GRAMD2B: variants seen among roughly 807,000 people sequenced by gnomAD.
The protein encoded by GRAMD2B is GRAM domain containing 2B, also known as GRAM domain-containing protein 2B.
In GRAMD2B, 41 loss-of-function variants were observed where a neutral mutation model predicts 59.2. The ratio of observed to expected loss-of-function variants is 0.69; its 90% CI spans 0.54 to 0.90. The LOEUF is 0.90. GRAMD2B is among the 40% of genes least tolerant of loss of function. The pLI, the probability that GRAMD2B is intolerant of heterozygous loss-of-function variation, is 0.00. For missense variants in GRAMD2B, 424 were observed against 500.5 expected (o/e 0.85, Z 1.46); for synonymous variants, 161 against 182.7 (o/e 0.88, Z 0.96).
At chr5:126,483,046 TAA>T (rs1048623271) in intron 8 of GRAMD2B, among the ~76,000 whole-genome samples, 34 of 147,568 alleles carry the variant, frequency 2.3e-4, no homozygotes, top group African/African-American at 3.5e-4. Context: ...AAAAAAATTA[TAA>T]GTTAGTAATA....
chr5:126,480,579 A>T, intron 7 of GRAMD2B, 48 bp from the exon 8 acceptor site: 1 of 1,607,340 alleles, frequency 6.2e-7, no homozygotes, highest in Non-Finnish European at 8.5e-7. Context: ...TGTATTTCTT[A>T]TGGTTTCATA....
chr5:126,445,826 C>T (rs1441140465), intron 1 of GRAMD2B, among the ~76,000 whole-genome samples: 1 of 152,162 alleles, frequency 6.6e-6, no homozygotes, highest in Admixed American at 6.5e-5. Context: ...TCAAGAGAGC[C>T]GAATCTGACT....
chr5:126,407,806 T>C (rs1268383448), intron 1 of GRAMD2B, among the ~76,000 whole-genome samples: 2 of 152,070 alleles, frequency 1.3e-5, no homozygotes, highest in African/African-American at 4.8e-5. Context: ...AATGATGTGA[T>C]GATGGTGATA....
intron 1 of GRAMD2B, among the ~76,000 whole-genome samples, chr5:126,427,438 G>A (rs867816973): frequency 6.6e-6 from 1 of 152,028 alleles, no homozygotes; most frequent in Non-Finnish European, 1.5e-5. Context: ...TTCAAATAAC[G>A]AATTAAATTA....
chr5:126,429,245 G>T (rs917915407), intron 1 of GRAMD2B, among the ~76,000 whole-genome samples: 3 of 152,132 alleles, frequency 2.0e-5, no homozygotes, highest in African/African-American at 7.2e-5. Flanking sequence ...GACATGAATG[G>T]AGCTGGAGGC....
intron 1 of GRAMD2B, among the ~76,000 whole-genome samples, chr5:126,438,807 C>A (rs1395272495): frequency 6.6e-6 from 1 of 152,022 alleles, no homozygotes; most frequent in Non-Finnish European, 1.5e-5. Flanking sequence ...TGAACAATCA[C>A]ATATATGGCC....
intron 1 of GRAMD2B, among the ~76,000 whole-genome samples, chr5:126,435,164 C>T (rs993611353): frequency 3.9e-5 from 6 of 152,118 alleles, no homozygotes; most frequent in South Asian, 2.1e-4. Flanking sequence ...CCTTTAAGAG[C>T]GTCCAGTCTG....
intron 1 of GRAMD2B, among the ~76,000 whole-genome samples, chr5:126,401,944 C>A (rs1757876461): frequency 6.6e-6 from 1 of 152,064 alleles, no homozygotes; most frequent in Non-Finnish European, 1.5e-5. Context: ...CTAATCCCAG[C>A]AAGTGACACA....
intron 1 of GRAMD2B, among the ~76,000 whole-genome samples, chr5:126,457,547 C>T (rs1416322719): frequency 6.6e-6 from 1 of 151,932 alleles, no homozygotes; most frequent in African/African-American, 2.4e-5. Context: ...AGAAGAATCA[C>T]TTGAACCTGG....
intron 1 of GRAMD2B, among the ~76,000 whole-genome samples, chr5:126,450,291 G>A (rs2126673083): frequency 6.6e-6 from 1 of 152,078 alleles, no homozygotes; most frequent in East Asian, 1.9e-4. Flanking sequence ...AATGGCCCTG[G>A]TTTTTGTCTG....
chr5:126,391,960 G>A (rs566978613), intron 1 of GRAMD2B, among the ~76,000 whole-genome samples: 34 of 152,238 alleles, frequency 2.2e-4, no homozygotes, highest in African/African-American at 7.9e-4. Context: ...ATCCTTAAAA[G>A]GCATTTCTTT....
Position 126,494,154 on chromosome 5 carries a change from CCTG to C in GRAMD2B, c.*1201_*1203del, listed in dbSNP as rs953399284. The C allele has an allele frequency of 2.0e-5, 3 of 152,484 alleles. No individual in the cohort carries two copies. The highest frequency in any genetic ancestry group is 4.4e-5 in the Non-Finnish European group (3 of 68,008). The allele number at this position is 152,484 out of a possible 1,614,324, so 9.4% of individuals were successfully genotyped here. On this transcript the variant is annotated 3_prime_UTR_variant, in exon 14 of 14. Coordinates refer to ENST00000285689, the MANE Select transcript of GRAMD2B (RefSeq NM_023927.4). Reference sequence around the variant, plus strand: ...AATAAATACTCATTGGTTGAAACACCCTGCTAACACTGTGTTTTGTCAGTTCGT... The same window carrying C: ...AATAAATACTCATTGGTTGAAACACCCTAACACTGTGTTTTGTCAGTTCGT...
At chr5:126,385,078 A>G (rs1408478066) in intron 1 of GRAMD2B, among the ~76,000 whole-genome samples, 3 of 152,200 alleles carry the variant, frequency 2.0e-5, no homozygotes, top group Non-Finnish European at 4.4e-5. Context: ...CTGTTTGACA[A>G]GCAAGGCTGA....
intron 3 of GRAMD2B, among the ~76,000 whole-genome samples, chr5:126,470,571 T>G (rs887797675): frequency 1.3e-5 from 2 of 152,182 alleles, no homozygotes; most frequent in Non-Finnish European, 2.9e-5. Flanking sequence ...TTTTCTCTTT[T>G]TTTTCAAGGC....
intron 1 of GRAMD2B, among the ~76,000 whole-genome samples, chr5:126,447,336 C>A (rs575211303): frequency 6.6e-6 from 1 of 152,286 alleles, no homozygotes; most frequent in African/African-American, 2.4e-5. Flanking sequence ...TTTATACTGT[C>A]TGGTGTAGCC....
intron 6 of GRAMD2B, among the ~76,000 whole-genome samples, chr5:126,479,202 T>C (rs1339004905): frequency 1.3e-5 from 2 of 152,280 alleles, no homozygotes; most frequent in African/African-American, 4.8e-5. Context: ...TTTTCCTTTT[T>C]TATTTTTTCT....
At chr5:126,466,335 G>T (rs62394179) in intron 2 of GRAMD2B, 12 of 1,334,122 alleles carry the variant, frequency 9.0e-6, no homozygotes, top group Non-Finnish European at 1.3e-5. Context: ...TCAGGACCAA[G>T]AGTAAGTCTT....
chr5:126,360,569 A>T, intron 1 of GRAMD2B: 1 of 1,087,604 alleles, frequency 9.2e-7, no homozygotes, highest in Non-Finnish European at 1.3e-6. Flanking sequence ...CACATGGAGA[A>T]TGTCTTTGAT....
intron 2 of GRAMD2B, among the ~76,000 whole-genome samples, chr5:126,465,825 G>A (rs1240312161): frequency 6.6e-6 from 1 of 152,164 alleles, no homozygotes; most frequent in Non-Finnish European, 1.5e-5. Flanking sequence ...TAGAAAGCTG[G>A]GAAGGCTGGC....
Sources: allele counts gnomAD v4.1 joint callset (sites outside exome capture counted in the v4.1 genomes callset), GRCh38; gene constraint gnomAD v4.1.1; transcripts MANE v1.5; gene names NCBI Gene and HGNC (gene_info 2026-07-23, HGNC 2026-07-21).